The following NPR3 variants were observed in gnomAD, a reference collection of about 807,000 sequenced individuals.
The protein encoded by NPR3 is natriuretic peptide receptor 3.
In NPR3, 34 loss-of-function variants were observed where a neutral mutation model predicts 54.5. The observed-to-expected ratio is 0.62, with a 90% CI of 0.47 to 0.83. The LOEUF is 0.83. Ranked by LOEUF, NPR3 falls within the 40% of genes least tolerant of loss-of-function variation. The pLI is 0.00. For synonymous variants in NPR3, 289 were observed against 297.1 expected, an observed-to-expected ratio of 0.97 and a Z score of 0.28; for missense variants, 674 against 720.8, an observed-to-expected ratio of 0.94 and a Z score of 0.74.
Position 32,783,037 on chromosome 5 carries a change from G to A in NPR3, c.1426+9G>A. 6.3e-7 allele frequency: 1 copy of A among 1,592,786 alleles called. No individual in the cohort carries two copies. The highest frequency in any genetic ancestry group is 8.6e-7 in the Non-Finnish European group (1 of 1,168,298). On this transcript the variant is annotated intron_variant, in intron 6 of 7. Transcript: ENST00000265074. Reference sequence around the variant, plus strand: ...CTCTCCCTGCAAATCATGTAAGTCTGGAGACTTAATTTGCTATGTATGTCA... The same window carrying A: ...CTCTCCCTGCAAATCATGTAAGTCTAGAGACTTAATTTGCTATGTATGTCA...
rs1049022246 is a variant in NPR3, at chr5:32,711,670, G to A, written c.-107G>A. On this transcript the variant is annotated 5_prime_UTR_variant, in exon 1 of 8. Coordinates refer to ENST00000265074, the MANE Select transcript of NPR3 (RefSeq NM_001204375.2). ...TATTCTATTTTGTTAAAGCGCCCAA[G>A]GGGGCGCAGGGACCTTGGAGAGAAG... 9 of 1,315,408 alleles carry A rather than the reference G, an allele frequency of 6.8e-6. No homozygotes were observed. Among genetic ancestry groups the A allele is most frequent in the Admixed American group, 7.6e-5 (2 of 26,300 alleles). 81.5% of individuals were successfully genotyped at this position (1,315,408 alleles called of 1,614,324 possible).
intron 2 of NPR3, among the ~76,000 whole-genome samples, chr5:32,734,308 G>A (rs1370802082): frequency 1.3e-5 from 2 of 152,076 alleles, no homozygotes; most frequent in African/African-American, 4.8e-5. Flanking sequence ...TTCATTTTTT[G>A]GACACATTCT....
intron 1 of NPR3, among the ~76,000 whole-genome samples, chr5:32,702,156 A>G (rs1431480601): frequency 6.6e-6 from 1 of 152,188 alleles, no homozygotes; most frequent in African/African-American, 2.4e-5. Context: ...CAGAGATGCC[A>G]TCCAGGAGCC....
At chr5:32,708,859 T>C (rs1228457838), upstream of NPR3, among the ~76,000 whole-genome samples, 1 of 152,106 alleles carries the variant, frequency 6.6e-6, no homozygotes, top group East Asian at 1.9e-4. Context: ...TAATTGTTGC[T>C]CACTGGAATT....
At chr5:32,777,425 T>C (rs1026465239) in intron 4 of NPR3, among the ~76,000 whole-genome samples, 2 of 152,212 alleles carry the variant, frequency 1.3e-5, no homozygotes, top group Non-Finnish European at 2.9e-5. Flanking sequence ...TGACAAGAGC[T>C]CTTTCGGTTT....
intron 1 of NPR3, among the ~76,000 whole-genome samples, chr5:32,704,142 G>C (rs1048975789): frequency 1.3e-5 from 2 of 152,124 alleles, no homozygotes; most frequent in African/African-American, 2.4e-5. Context: ...AGGCAGCACT[G>C]GGTCCCAGTG....
chr5:32,758,312 C>T (rs1269277525), intron 3 of NPR3, among the ~76,000 whole-genome samples: 2 of 152,310 alleles, frequency 1.3e-5, no homozygotes, highest in Admixed American at 1.3e-4. Flanking sequence ...GATTCAAATT[C>T]TTCCTGGTGT....
intron 2 of NPR3, among the ~76,000 whole-genome samples, chr5:32,731,889 A>G (rs1368174289): frequency 2.0e-5 from 3 of 152,060 alleles, no homozygotes; most frequent in East Asian, 3.9e-4. Flanking sequence ...ATGACTTCCT[A>G]ATGTCATCAG....
intron 3 of NPR3, among the ~76,000 whole-genome samples, chr5:32,753,931 T>C (rs1237148735): frequency 6.6e-6 from 1 of 152,186 alleles, no homozygotes; most frequent in Non-Finnish European, 1.5e-5. Flanking sequence ...TGCATTGCAC[T>C]AGTAAAGTGG....
Position 32,791,006 on chromosome 5 carries a change from G to T in NPR3, c.*4661G>T, listed in dbSNP as rs977966216. The T allele has an allele frequency of 6.0e-6, 1 of 167,188 alleles. No homozygotes were observed. The highest frequency in any genetic ancestry group is 3.4e-3 in the Middle Eastern group (1 of 296). The allele number at this position is 167,188 out of a possible 1,614,324, so 10.4% of individuals were successfully genotyped here. ...CTTACCAAGTGTAAATCACAACATAGGCTACCAAAATATTTCTTATTTGCT... is the reference window on the plus strand; with the variant it reads ...CTTACCAAGTGTAAATCACAACATATGCTACCAAAATATTTCTTATTTGCT... On this transcript the variant is annotated 3_prime_UTR_variant, in exon 8 of 8. Transcript: ENST00000265074.
At position 32,787,162 on chromosome 5, in the gene NPR3, G is replaced by A. The variant is rs1256260705; in HGVS notation, c.*817G>A. The A allele has an allele frequency of 3.3e-5, 5 of 152,624 alleles. No homozygotes were observed. Among genetic ancestry groups the A allele is most frequent in the African/African-American group, 1.2e-4 (5 of 41,448 alleles). 9.5% of individuals were successfully genotyped at this position (152,624 alleles called of 1,614,324 possible). ...CTTACATTTTAAAAGCATGGGTGAA[G>A]TGTACAACAAACCAATAATGATAAA... On this transcript the variant is annotated 3_prime_UTR_variant, in exon 8 of 8. Transcript: ENST00000265074.
rs140013345 is a variant in NPR3 at position 32,702,718 on chromosome 5, G to A, written c.100+13532G>A. On this transcript the variant is annotated intron_variant, in intron 1 of 5. Transcript: ENST00000509104. ...GCTATTGTGAATAGTGCCACAATAA[G>A]CATACGTGTGCATGTGTCTTTACAG... 3.7e-3 allele frequency among the ~76,000 whole-genome samples: 562 copies of A among 152,198 alleles called. 4 individuals are homozygous for A. Among genetic ancestry groups the A allele is most frequent in the African/African-American group, 0.013 (542 of 41,518 alleles).
chr5:32,770,916 A>G (rs1741722850), intron 3 of NPR3, among the ~76,000 whole-genome samples: 1 of 152,186 alleles, frequency 6.6e-6, no homozygotes. Context: ...CGACAGCATG[A>G]CCTGTGTTAG....
At chr5:32,703,391 T>G (rs1351168393) in intron 1 of NPR3, among the ~76,000 whole-genome samples, 3 of 151,818 alleles carry the variant, frequency 2.0e-5, no homozygotes, top group Non-Finnish European at 2.9e-5. Flanking sequence ...CCCCCTTTAC[T>G]ATTCCCTTTC....
At chr5:32,782,808 T>C in intron 5 of NPR3, 85 bp from the exon 6 acceptor site, 4 of 1,319,324 alleles carry the variant, frequency 3.0e-6, no homozygotes, top group Non-Finnish European at 4.1e-6. Context: ...AGGCTGTACA[T>C]TTTGGGGAAT....
chr5:32,758,060 CT>C (rs538082085), intron 3 of NPR3, among the ~76,000 whole-genome samples: 4,988 of 127,358 alleles, frequency 0.039, 111 homozygotes, highest in Non-Finnish European at 0.054. Flanking sequence ...GTCTAAAATT[CT>C]CTTTTTTTTG....
At chr5:32,766,381 T>C (rs886497935) in intron 3 of NPR3, among the ~76,000 whole-genome samples, 7 of 152,112 alleles carry the variant, frequency 4.6e-5, no homozygotes, top group African/African-American at 1.7e-4. Context: ...AATCCCAACC[T>C]CAATAGTGGT....
chr5:32,766,706 T>C (rs896664924), intron 3 of NPR3, among the ~76,000 whole-genome samples: 1 of 152,224 alleles, frequency 6.6e-6, no homozygotes, highest in African/African-American at 2.4e-5. Flanking sequence ...ACCAAAGTCA[T>C]CTTATTTCAT....
intron 5 of NPR3, among the ~76,000 whole-genome samples, chr5:32,782,333 C>T (rs1188436832): frequency 6.7e-6 from 1 of 149,368 alleles, no homozygotes; most frequent in Non-Finnish European, 1.5e-5. Context: ...ATCGGGTATA[C>T]GGTGGACCCT....
Sources: allele counts gnomAD v4.1 joint callset (sites outside exome capture counted in the v4.1 genomes callset), GRCh38; gene constraint gnomAD v4.1.1; transcripts MANE v1.5; gene names NCBI Gene and HGNC (gene_info 2026-07-23, HGNC 2026-07-21).